AFG2A: variants seen among roughly 807,000 people sequenced by gnomAD.
The protein encoded by AFG2A is ATPase family gene 2 protein homolog A.
At chr4:123,013,815 T>C in the AFG2A span, among the ~76,000 whole-genome samples, 1 of 152,226 alleles carries the variant, frequency 6.6e-6, no homozygotes, top group Admixed American at 6.5e-5. Flanking sequence ...TATTAATTTA[T>C]TTCTTTACCA....
chr4:123,109,566 G>T, the AFG2A span, among the ~76,000 whole-genome samples: 1 of 152,108 alleles, frequency 6.6e-6, no homozygotes, highest in Non-Finnish European at 1.5e-5. Flanking sequence ...ATAATATTGA[G>T]CCTCATAGGA....
At chr4:123,008,395 A>T in the AFG2A span, among the ~76,000 whole-genome samples, 1 of 152,194 alleles carries the variant, frequency 6.6e-6, no homozygotes, top group Admixed American at 6.5e-5. Flanking sequence ...AATATTGGGG[A>T]TCAAATTTCA....
chr4:122,932,213 T>G, the AFG2A span, among the ~76,000 whole-genome samples: 5 of 151,142 alleles, frequency 3.3e-5, no homozygotes, highest in African/African-American at 1.2e-4. Flanking sequence ...AGGTGGAGGT[T>G]GCAGTGAGCT....
At chr4:123,056,778 G>A in the AFG2A span, among the ~76,000 whole-genome samples, 16 of 152,084 alleles carry the variant, frequency 1.1e-4, no homozygotes, top group Admixed American at 4.6e-4. Context: ...TTCAGGCATT[G>A]TGCCAAATGC....
the AFG2A span, among the ~76,000 whole-genome samples, chr4:123,290,060 G>A: frequency 1.3e-5 from 2 of 152,086 alleles, no homozygotes; most frequent in Non-Finnish European, 2.9e-5. Context: ...TGTTGCTGCT[G>A]TTGAGTTGTT....
chr4:122,952,261 A>G, the AFG2A span, among the ~76,000 whole-genome samples: 1 of 151,866 alleles, frequency 6.6e-6, no homozygotes, highest in Admixed American at 6.6e-5. Flanking sequence ...CCTCACCCAA[A>G]CCCCTCAAGG....
chr4:123,222,792 G>T, the AFG2A span, among the ~76,000 whole-genome samples: 1 of 152,024 alleles, frequency 6.6e-6, no homozygotes. Flanking sequence ...CATGCTATTT[G>T]TCTTTGTGTG....
the AFG2A span, among the ~76,000 whole-genome samples, chr4:123,193,822 A>G: frequency 6.6e-6 from 1 of 152,246 alleles, no homozygotes. Flanking sequence ...TAAGAATGTC[A>G]TCACTTATAT....
chr4:122,961,435 T>A, the AFG2A span, among the ~76,000 whole-genome samples: 15 of 152,342 alleles, frequency 9.8e-5, no homozygotes, highest in African/African-American at 3.4e-4. Context: ...TCTGAATCAG[T>A]AAAAATCTTG....
At chr4:123,021,680 A>G in the AFG2A span, among the ~76,000 whole-genome samples, 2 of 152,242 alleles carry the variant, frequency 1.3e-5, no homozygotes, top group Admixed American at 6.5e-5. Context: ...TGTCTTCAAA[A>G]TAAGTCAGAT....
At chr4:123,096,170 G>C in the AFG2A span, among the ~76,000 whole-genome samples, 4 of 152,002 alleles carry the variant, frequency 2.6e-5, no homozygotes, top group African/African-American at 9.7e-5. Context: ...CTAAGTCCCC[G>C]AGGCTTTTTT....
At chr4:123,221,107 T>C in the AFG2A span, among the ~76,000 whole-genome samples, 1 of 152,198 alleles carries the variant, frequency 6.6e-6, no homozygotes, top group East Asian at 1.9e-4. Flanking sequence ...ATGTGGCTTT[T>C]CCAGCACCTG....
At chr4:123,085,724 T>G in the AFG2A span, among the ~76,000 whole-genome samples, 1 of 152,292 alleles carries the variant, frequency 6.6e-6, no homozygotes, top group Admixed American at 6.5e-5. Flanking sequence ...GTTGGATTAA[T>G]ATCTACGATA....
the AFG2A span, among the ~76,000 whole-genome samples, chr4:123,263,829 C>G: frequency 1.3e-5 from 2 of 152,058 alleles, no homozygotes; most frequent in Admixed American, 1.3e-4. Context: ...AAAAGTAGAA[C>G]TACCATTTGA....
At chr4:123,188,839 T>C in the AFG2A span, among the ~76,000 whole-genome samples, 3 of 152,220 alleles carry the variant, frequency 2.0e-5, no homozygotes, top group Non-Finnish European at 4.4e-5. Context: ...GAGAATTCTA[T>C]AAATATGCTA....
At chr4:122,941,826 G>A in the AFG2A span, among the ~76,000 whole-genome samples, 1 of 151,698 alleles carries the variant, frequency 6.6e-6, no homozygotes, top group Admixed American at 6.6e-5. Flanking sequence ...CTAATTTATT[G>A]AGAGTTTTTA....
At chr4:123,022,999 C>T in the AFG2A span, among the ~76,000 whole-genome samples, 2 of 139,132 alleles carry the variant, frequency 1.4e-5, no homozygotes, top group African/African-American at 5.5e-5. Flanking sequence ...AACACATGGA[C>T]ACAGGAAGGG....
At chr4:122,958,430 A>G in the AFG2A span, among the ~76,000 whole-genome samples, 2 of 152,232 alleles carry the variant, frequency 1.3e-5, no homozygotes, top group Non-Finnish European at 2.9e-5. Context: ...TTTGACACTA[A>G]GAGACTCCAT....
chr4:123,052,755 A>C, the AFG2A span, among the ~76,000 whole-genome samples: 4 of 152,196 alleles, frequency 2.6e-5, no homozygotes, highest in South Asian at 4.1e-4. Context: ...GAATTGACTC[A>C]CATGATCACA....
Sources: allele counts gnomAD v4.1 joint callset (sites outside exome capture counted in the v4.1 genomes callset), GRCh38; gene constraint gnomAD v4.1.1; transcripts MANE v1.5; gene names NCBI Gene and HGNC (gene_info 2026-07-23, HGNC 2026-07-21).